CSGALNACT1: variants seen among roughly 807,000 people sequenced by gnomAD.
CSGALNACT1 encodes the protein chondroitin sulfate N-acetylgalactosaminyltransferase 1.
A neutral mutation model predicts 51.0 loss-of-function variants in CSGALNACT1; 52 were observed. The observed-to-expected ratio is 1.02, with a 90% CI of 0.82 to 1.29. The LOEUF is 1.29. CSGALNACT1 is among the 50% of genes most tolerant of loss of function. The probability of loss-of-function intolerance (pLI) is 0.00; values close to 1 mark genes in which losing one functional copy is unlikely to be tolerated. For missense variants in CSGALNACT1, 935 were observed against 679.2 expected, an observed-to-expected ratio of 1.38 and a Z score of -4.19; for synonymous variants, 341 against 254.4, an observed-to-expected ratio of 1.34 and a Z score of -3.24.
chr8:19,559,930 C>G (rs2040332716), intron 3 of CSGALNACT1, among the ~76,000 whole-genome samples: 1 of 152,038 alleles, frequency 6.6e-6, no homozygotes, highest in African/African-American at 2.4e-5. Context: ...ATGCAAAGGG[C>G]CAACTATAAT....
intron 1 of CSGALNACT1, among the ~76,000 whole-genome samples, chr8:19,670,658 A>C (rs1316028496): frequency 6.8e-6 from 1 of 147,618 alleles, no homozygotes; most frequent in African/African-American, 2.6e-5. Context: ...GACAAAAAAA[A>C]AAAAAAAAAA....
intron 1 of CSGALNACT1, among the ~76,000 whole-genome samples, chr8:19,747,109 A>C (rs1366536358): frequency 6.6e-6 from 1 of 152,242 alleles, no homozygotes; most frequent in Non-Finnish European, 1.5e-5. Flanking sequence ...CACCTTGGTG[A>C]AAAGTGCAAA....
rs766605914 is a variant in CSGALNACT1 at position 19,458,667 on chromosome 8, ATAGT to A, written c.635-29_635-26del. The A allele has an allele frequency of 5.6e-6, 9 of 1,609,478 alleles. No individual in the cohort carries two copies. The African/African-American group carries it at 9.4e-5, about 17-fold the overall frequency. On this transcript the variant is annotated intron_variant, in intron 4 of 9. Coordinates refer to ENST00000454498, the Ensembl canonical transcript of CSGALNACT1. ...CCTGTTAAGAGAAAAACAAGGAAAG[ATAGT>A]TCTAAAAATTAACCTTGGCTGCTGA...
chr8:19,745,850 A>T (rs1314896066), intron 1 of CSGALNACT1, among the ~76,000 whole-genome samples: 1 of 152,148 alleles, frequency 6.6e-6, no homozygotes. Flanking sequence ...CACTAAAATT[A>T]GGGGTTTATA....
rs1317593774 is a variant in CSGALNACT1, at chr8:19,621,923, G to C, written c.-543-20058C>G. Among the ~76,000 whole-genome samples the C allele has an allele frequency of 2.0e-5, 3 of 152,162 alleles. No individual in the cohort carries two copies. The East Asian group carries it at 5.8e-4, about 29-fold the overall frequency. ...GTGCTATTCACAATGTAATGCTACA[G>C]ACAACAGATACTATTAAGTTTAATC... On this transcript the variant is annotated intron_variant, in intron 1 of 9. Transcript: ENST00000332246.
intron 1 of CSGALNACT1, among the ~76,000 whole-genome samples, chr8:19,705,624 C>A (rs1290513938): frequency 6.6e-6 from 1 of 152,072 alleles, no homozygotes; most frequent in Admixed American, 6.5e-5. Flanking sequence ...ATAGTCCCAA[C>A]TACTCGGAAG....
At chr8:19,687,858 G>C (rs895585915) in intron 1 of CSGALNACT1, among the ~76,000 whole-genome samples, 35 of 152,204 alleles carry the variant, frequency 2.3e-4, no homozygotes, top group Non-Finnish European at 4.7e-4. Context: ...GTAGAAGTCA[G>C]TAAATGGAAA....
chr8:19,411,475 C>A (rs985987970), intron 8 of CSGALNACT1, among the ~76,000 whole-genome samples: 6 of 152,202 alleles, frequency 3.9e-5, no homozygotes, highest in East Asian at 1.9e-4. Context: ...GTCCCTAGGG[C>A]AGAGATGGTT....
rs192812198 is a variant in CSGALNACT1, at chr8:19,615,350, T to C, written c.-543-13485A>G. Among the ~76,000 whole-genome samples, 28 of 152,332 alleles carry C rather than the reference T, an allele frequency of 1.8e-4. No homozygotes were observed. In the East Asian group the frequency reaches 5.4e-3, roughly 29 times the overall value. ...GATTTCCATCCAAAGGAATTTGCCC[T>C]TCCAAGTGGCGTCCTGGGAGGACAG... On this transcript the variant is annotated intron_variant, in intron 1 of 9. Coordinates refer to the CSGALNACT1 transcript ENST00000332246.
chr8:19,491,014 G>T (rs2074249727), intron 4 of CSGALNACT1, among the ~76,000 whole-genome samples: 1 of 151,194 alleles, frequency 6.6e-6, no homozygotes, highest in South Asian at 2.1e-4. Context: ...TTATTGCAAA[G>T]TATAACAGCA....
chr8:19,637,683 C>T (rs569478623), intron 1 of CSGALNACT1, among the ~76,000 whole-genome samples: 104 of 152,178 alleles, frequency 6.8e-4, no homozygotes, highest in African/African-American at 2.4e-3. Context: ...AAAACTGAGC[C>T]TAAGTTTTAA....
intron 1 of CSGALNACT1, among the ~76,000 whole-genome samples, chr8:19,678,213 A>G (rs1318944785): frequency 6.6e-6 from 1 of 152,210 alleles, no homozygotes; most frequent in Non-Finnish European, 1.5e-5. Flanking sequence ...GGGAATCACT[A>G]TTAACCTTAA....
At chr8:19,423,839 C>A (rs575013844) in intron 6 of CSGALNACT1, among the ~76,000 whole-genome samples, 1 of 152,264 alleles carries the variant, frequency 6.6e-6, no homozygotes, top group East Asian at 1.9e-4. Flanking sequence ...ATGGCACTAC[C>A]CAATCTGAAT....
At chr8:19,661,947 C>A (rs988307229) in intron 1 of CSGALNACT1, among the ~76,000 whole-genome samples, 1 of 152,156 alleles carries the variant, frequency 6.6e-6, no homozygotes, top group African/African-American at 2.4e-5. Context: ...TTTGGTGAAG[C>A]CTATTTCCAT....
At chr8:19,429,071 C>G (rs1189874630) in intron 6 of CSGALNACT1, among the ~76,000 whole-genome samples, 1 of 152,144 alleles carries the variant, frequency 6.6e-6, no homozygotes, top group African/African-American at 2.4e-5. Flanking sequence ...CTAATCCCCT[C>G]ATATCCCCAG....
intron 1 of CSGALNACT1, among the ~76,000 whole-genome samples, chr8:19,633,099 T>A (rs1240039924): frequency 6.6e-6 from 1 of 151,914 alleles, no homozygotes; most frequent in East Asian, 1.9e-4. Flanking sequence ...AAAGGGAGTT[T>A]GGGGGCTGGT....
At chr8:19,559,509 C>G (rs1326727229) in intron 3 of CSGALNACT1, among the ~76,000 whole-genome samples, 2 of 152,014 alleles carry the variant, frequency 1.3e-5, no homozygotes, top group Non-Finnish European at 2.9e-5. Flanking sequence ...ATAAATGGTA[C>G]AAGGATTGGA....
intron 3 of CSGALNACT1, among the ~76,000 whole-genome samples, chr8:19,515,166 C>A (rs1251272242): frequency 1.3e-5 from 2 of 152,018 alleles, no homozygotes; most frequent in African/African-American, 4.8e-5. Context: ...AGGTCCCTAG[C>A]ACCTGCTGTC....
chr8:19,625,660 C>T (rs918636236), intron 1 of CSGALNACT1, among the ~76,000 whole-genome samples: 3 of 152,214 alleles, frequency 2.0e-5, no homozygotes, highest in African/African-American at 7.2e-5. Flanking sequence ...CATGCTGTCT[C>T]TGCAACACAA....
Sources: gnomAD v4.1 joint callset for allele counts (sites outside exome capture counted in the v4.1 genomes callset) on GRCh38, gnomAD v4.1.1 for gene constraint, MANE v1.5 for transcripts, NCBI Gene and HGNC (gene_info 2026-07-23, HGNC 2026-07-21) for gene names.